The following ZBTB20 variants were observed in gnomAD, a reference collection of about 807,000 sequenced individuals.
ZBTB20 encodes the protein zinc finger and BTB domain containing 20.
A neutral mutation model predicts 56.9 loss-of-function variants in ZBTB20; 9 were observed. That is an observed-to-expected ratio of 0.16 (90% confidence interval 0.10 to 0.28). The LOEUF is 0.28. Ranked by LOEUF, ZBTB20 falls within the 10% of genes least tolerant of loss-of-function variation. The pLI, the probability that ZBTB20 is intolerant of heterozygous loss-of-function variation, is 1.00. For synonymous variants in ZBTB20, 417 were observed against 420.7 expected, an observed-to-expected ratio of 0.99 and a Z score of 0.11; for missense variants, 655 against 1,003.0, an observed-to-expected ratio of 0.65 and a Z score of 4.69.
intron 2 of ZBTB20, among the ~76,000 whole-genome samples, chr3:115,020,603 T>C (rs987229528): frequency 2.0e-5 from 3 of 151,206 alleles, no homozygotes; most frequent in Middle Eastern, 6.8e-3. Context: ...ATTGTCTTTT[T>C]TGAGGATGAT....
chr3:114,679,456 C>G (rs2061833615), intron 6 of ZBTB20, among the ~76,000 whole-genome samples: 1 of 152,010 alleles, frequency 6.6e-6, no homozygotes, highest in Admixed American at 6.6e-5. Flanking sequence ...CAAATAACCC[C>G]ATCAAAAAGT....
intron 2 of ZBTB20, among the ~76,000 whole-genome samples, chr3:115,046,175 C>T (rs960790421): frequency 2.0e-5 from 3 of 152,190 alleles, no homozygotes; most frequent in Non-Finnish European, 2.9e-5. Flanking sequence ...CCAGAGGTTA[C>T]GAAAAGGTTT....
chr3:114,698,230 C>A (rs952980394), intron 5 of ZBTB20, among the ~76,000 whole-genome samples: 2 of 152,008 alleles, frequency 1.3e-5, no homozygotes, highest in African/African-American at 4.8e-5. Flanking sequence ...ACATTTAGAA[C>A]TTTAAATATA....
intron 6 of ZBTB20, among the ~76,000 whole-genome samples, chr3:114,645,386 A>G (rs2059783437): frequency 1.3e-5 from 2 of 152,214 alleles, no homozygotes; most frequent in African/African-American, 4.8e-5. Context: ...CAAATTAATT[A>G]TATAGGCAAA....
intron 6 of ZBTB20, among the ~76,000 whole-genome samples, chr3:114,684,148 T>C (rs1196131609): frequency 6.6e-6 from 1 of 152,206 alleles, no homozygotes; most frequent in Non-Finnish European, 1.5e-5. Context: ...CTTGCTATGA[T>C]GGCAAGATCA....
chr3:114,421,624 T>C (rs1459425742), intron 7 of ZBTB20, among the ~76,000 whole-genome samples: 2 of 152,184 alleles, frequency 1.3e-5, no homozygotes, highest in Non-Finnish European at 2.9e-5. Context: ...GCAGTAGGTA[T>C]AGGTTATCTT....
At chr3:114,972,832 A>T (rs2077942046) in intron 3 of ZBTB20, among the ~76,000 whole-genome samples, 1 of 151,878 alleles carries the variant, frequency 6.6e-6, no homozygotes, top group Non-Finnish European at 1.5e-5. Flanking sequence ...GGTTTCTTTA[A>T]TTTCTCTCTG....
At chr3:114,815,660 G>C (rs979513202) in intron 4 of ZBTB20, among the ~76,000 whole-genome samples, 5 of 152,040 alleles carry the variant, frequency 3.3e-5, no homozygotes, top group African/African-American at 1.2e-4. Context: ...ACTACTCATT[G>C]TTATTGCTTA....
intron 5 of ZBTB20, among the ~76,000 whole-genome samples, chr3:114,748,305 T>TCTTG (rs2067231515): frequency 7.3e-6 from 1 of 137,676 alleles, no homozygotes; most frequent in Non-Finnish European, 1.5e-5. Context: ...TTTCTTTCTT[T>TCTTG]CTTTCTTTCT....
At chr3:114,784,637 T>C (rs2070360077) in intron 5 of ZBTB20, among the ~76,000 whole-genome samples, 1 of 152,196 alleles carries the variant, frequency 6.6e-6, no homozygotes, top group African/African-American at 2.4e-5. Context: ...ATATTATAAA[T>C]TATGCATGTA....
In ZBTB20 at chr3:115,040,495, G is replaced by A. The variant is rs564144263; in HGVS notation, c.-507+30724C>T. Among the ~76,000 whole-genome samples the A allele has an allele frequency of 2.6e-5, 4 of 152,182 alleles. 1 individual carries two copies. In the South Asian group the frequency reaches 8.3e-4, roughly 32 times the overall value. The stretch of plus-strand genomic sequence containing the variant: ...TAACTAGATAGCAAGGGAATGGAAT[G>A]ATATTTCAGGCAGAAGAAGCATTAT... On this transcript the variant is annotated intron_variant, in intron 2 of 11. Coordinates refer to ENST00000675478, the MANE Select transcript of ZBTB20 (RefSeq NM_001348800.3).
At chr3:114,772,137 C>T (rs897106808) in intron 5 of ZBTB20, among the ~76,000 whole-genome samples, 2 of 151,988 alleles carry the variant, frequency 1.3e-5, no homozygotes, top group Non-Finnish European at 2.9e-5. Context: ...GTCAGGAGTT[C>T]GTGACCAGCC....
intron 10 of ZBTB20, among the ~76,000 whole-genome samples, chr3:114,372,153 T>C (rs954793255): frequency 6.6e-6 from 1 of 152,174 alleles, no homozygotes; most frequent in East Asian, 1.9e-4. Context: ...TTGACAGATA[T>C]GGAGAAGCAC....
chr3:114,548,798 C>T (rs1009022512), intron 6 of ZBTB20, among the ~76,000 whole-genome samples: 2 of 152,118 alleles, frequency 1.3e-5, no homozygotes, highest in Admixed American at 6.5e-5. Flanking sequence ...GGATTACATG[C>T]GTGAGCCACC....
At chr3:114,443,061 G>A (rs1446201652) in intron 7 of ZBTB20, among the ~76,000 whole-genome samples, 1 of 152,038 alleles carries the variant, frequency 6.6e-6, no homozygotes, top group African/African-American at 2.4e-5. Context: ...CTAAAGGGAA[G>A]AAAATGCCAA....
At chr3:114,801,310 T>C (rs1167136114) in intron 4 of ZBTB20, 136 bp from the exon 5 acceptor site, 1 of 148,358 alleles carries the variant, frequency 6.7e-6, no homozygotes, top group Non-Finnish European at 1.5e-5. Flanking sequence ...TTTTTCTTTT[T>C]TTTTTTTTTT....
chr3:115,126,450 A>C (rs1392696079), intron 1 of ZBTB20, among the ~76,000 whole-genome samples: 1 of 152,188 alleles, frequency 6.6e-6, no homozygotes, highest in African/African-American at 2.4e-5. Flanking sequence ...AAAGGGAAAC[A>C]ACTCAAATGT....
chr3:114,748,380 T>TCTCTCTCTCTC (rs1277740782), intron 5 of ZBTB20, among the ~76,000 whole-genome samples: 11 of 36,134 alleles, frequency 3.0e-4, no homozygotes, highest in South Asian at 2.9e-3. Flanking sequence ...CTCTCTCTCT[T>TCTCTCTCTCTC]TCTTTCTTTT....
intron 10 of ZBTB20, among the ~76,000 whole-genome samples, chr3:114,368,162 T>G (rs1026648133): frequency 6.6e-6 from 1 of 152,242 alleles, no homozygotes; most frequent in Non-Finnish European, 1.5e-5. Flanking sequence ...CCCTATGAGA[T>G]GCATACTATT....
Sources: allele counts gnomAD v4.1 joint callset (sites outside exome capture counted in the v4.1 genomes callset), GRCh38; gene constraint gnomAD v4.1.1; transcripts MANE v1.5; gene names NCBI Gene and HGNC (gene_info 2026-07-23, HGNC 2026-07-21).